The following GIT2 variants were observed in gnomAD, a reference collection of about 807,000 sequenced individuals.
GIT2 encodes the protein ARF GTPase-activating protein GIT2.
GIT2 carries 32 observed loss-of-function variants against 100.3 expected under a neutral mutation model. The ratio of observed to expected loss-of-function variants is 0.32; its 90% CI spans 0.24 to 0.43. The LOEUF is 0.43. Ranked by LOEUF, GIT2 falls within the 20% of genes least tolerant of loss-of-function variation. The pLI is 1.00. For synonymous variants in GIT2, 353 were observed against 364.1 expected, an observed-to-expected ratio of 0.97 and a Z score of 0.35; for missense variants, 737 against 975.1, an observed-to-expected ratio of 0.76 and a Z score of 3.25.
chr12:109,953,792 T>C (rs1878564408), intron 12 of GIT2: 2 of 152,202 alleles, frequency 1.3e-5, no homozygotes, highest in Admixed American at 6.6e-5. Flanking sequence ...CTGCCAAATA[T>C]GGGCAAATTA....
Position 109,962,292 on chromosome 12 carries a change from G to A in GIT2, c.817-607C>T, listed in dbSNP as rs1206996020. On this transcript the variant is annotated intron_variant, in intron 9 of 19. Coordinates refer to ENST00000355312, the MANE Select transcript of GIT2 (RefSeq NM_057169.5). The surrounding 1 kb of genome is among the most constrained non-coding windows in gnomAD (Gnocchi z 4.3). ...CACTTCAGCCCAGGATATCAAGGCT[G>A]CAGTGAGCCAAGATCACACCACTGC... Among the ~76,000 whole-genome samples the A allele has an allele frequency of 6.6e-6, 1 of 151,340 alleles. No individual in the cohort carries two copies. Among genetic ancestry groups the A allele is most frequent in the Admixed American group, 6.6e-5 (1 of 15,256 alleles).
At position 109,953,024 on chromosome 12, in the gene GIT2, G is replaced by GCAGCTTTGGCAGGCC. The variant is rs537500051; in HGVS notation, c.1242+67_1242+68insGGCCTGCCAAAGCTG. On this transcript the variant is annotated intron_variant, in intron 13 of 19. Transcript: ENST00000355312. The stretch of plus-strand genomic sequence containing the variant: ...GTAACAAACCCAACCTCACTGCACA[G>GCAGCTTTGGCAGGCC]CAGCTTTGGCAGGGCTAGCCCTCAG... 8.1e-3 allele frequency: 12,333 copies of GCAGCTTTGGCAGGCC among 1,528,520 alleles called. 58 individuals are homozygous for GCAGCTTTGGCAGGCC. The highest frequency in any genetic ancestry group is 9.0e-3 in the Non-Finnish European group (10,009 of 1,110,362). 94.7% of individuals were successfully genotyped at this position (1,528,520 alleles called of 1,614,324 possible).
chr12:109,983,540 A>G (rs757705815), intron 5 of GIT2, 37 bp from the exon 6 acceptor site: 2 of 1,607,354 alleles, frequency 1.2e-6, no homozygotes, highest in Admixed American at 3.3e-5. Flanking sequence ...AAAAGAGCAC[A>G]TTAAATAAAG....
upstream of GIT2, chr12:109,996,463 A>C: frequency 5.9e-6 from 3 of 505,056 alleles, no homozygotes; most frequent in Non-Finnish European, 1.1e-5. Context: ...TGAGGGCAGG[A>C]GACTGCCCGA....
upstream of GIT2, chr12:109,999,733 C>G (rs1415127865): frequency 6.5e-7 from 1 of 1,536,880 alleles, no homozygotes; most frequent in East Asian, 2.6e-5. The surrounding 1 kb of genome is among the most constrained non-coding windows in gnomAD (Gnocchi z 4.3). Flanking sequence ...CCCTGCACCT[C>G]CTAGTCTGGA....
rs1277234434 is a variant in GIT2, at chr12:109,948,129, A to C, written c.1393-625T>G. On this transcript the variant is annotated intron_variant, in intron 14 of 19. Transcript: ENST00000355312. The surrounding 1 kb of genome is among the most constrained non-coding windows in gnomAD (Gnocchi z 4.3). ...CAAACAATTCAGCACTTTGTAAAAA[A>C]AAAAAGAAAAAAGAGAAAACCGGAT... 9 of 960,958 alleles carry C rather than the reference A, an allele frequency of 9.4e-6. No homozygotes were observed. Among genetic ancestry groups the C allele is most frequent in the Non-Finnish European group, 1.1e-5 (9 of 807,756 alleles). 59.5% of individuals were successfully genotyped at this position (960,958 alleles called of 1,614,324 possible).
chr12:109,940,551 CAA>C (rs1265446971), intron 16 of GIT2: 2 of 152,058 alleles, frequency 1.3e-5, no homozygotes, highest in Non-Finnish European at 2.9e-5. Flanking sequence ...TAGCTTCATC[CAA>C]AAGAGTGGCT....
intron 18 of GIT2, 123 bp downstream of exon 18, chr12:109,938,257 A>G (rs1169974686): frequency 1.5e-6 from 1 of 663,592 alleles, no homozygotes; most frequent in African/African-American, 1.8e-5. Context: ...TGTTATGTAG[A>G]CTTGTTTTCA....
rs1303755561 is a variant in GIT2 at position 109,930,783 on chromosome 12, A to G, written c.*2195T>C. ...CTGCTTCACCTCCTGCAGACAGCTC[A>G]TTTCCCAGAAGCCTCTACAGAAGCC... On this transcript the variant is annotated 3_prime_UTR_variant, in exon 20 of 20. Coordinates refer to ENST00000355312, the MANE Select transcript of GIT2 (RefSeq NM_057169.5). 1.3e-5 allele frequency: 2 copies of G among 152,186 alleles called. No individual in the cohort carries two copies. Among genetic ancestry groups the G allele is most frequent in the African/African-American group, 4.8e-5 (2 of 41,414 alleles). The allele number at this position is 152,186 out of a possible 1,614,324, so 9.4% of individuals were successfully genotyped here. A position where few individuals can be genotyped will look rare whatever the true frequency, so the allele number is the denominator to read the frequency against.
chr12:109,932,796 A>G lies in GIT2; in HGVS notation c.*182T>C. On this transcript the variant is annotated 3_prime_UTR_variant, in exon 20 of 20. Coordinates refer to ENST00000355312, the MANE Select transcript of GIT2 (RefSeq NM_057169.5). ...CAGCAAATAGGCACAAAATAAGGCA[A>G]GTGGGTTAAATAGTTGAAAATTGGT... is the stretch of plus-strand genomic sequence containing the variant. 1 of 567,334 alleles carries G rather than the reference A, an allele frequency of 1.8e-6. No individual in the cohort carries two copies. Among genetic ancestry groups the G allele is most frequent in the Non-Finnish European group, 3.2e-6 (1 of 317,242 alleles). The allele number at this position is 567,334 out of a possible 1,614,324, so 35.1% of individuals were successfully genotyped here.
chr12:109,983,391 G>C lies in GIT2; in HGVS notation c.605C>G (p.Thr202Ser). ...CTCTTACCTTGCATAATCAACGGGA[G>C]TTTTCCCACTAGAATCCTGTGTGCC... ...DPGTQDSSGKTPVDYARQGGH... is the reference protein window; with the variant it reads ...DPGTQDSSGKSPVDYARQGGH... The change falls in exon 6 of 20, where the codon ACT (threonine) becomes AGT (serine). Residue 202 changes from threonine (T) to serine (S), a missense_variant. By Grantham distance (58) the Thr-to-Ser change is moderately conservative. Transcript: ENST00000355312. 1.2e-6 allele frequency: 2 copies of C among 1,613,692 alleles called. No homozygotes were observed. The highest frequency in any genetic ancestry group is 1.7e-6 in the Non-Finnish European group (2 of 1,179,782).
chr12:109,986,541 G>A (rs1887416352), intron 4 of GIT2, among the ~76,000 whole-genome samples: 1 of 152,058 alleles, frequency 6.6e-6, no homozygotes, highest in South Asian at 2.1e-4. Context: ...GAGGTGGGCG[G>A]ATCACGAGGT....
chr12:109,951,455 G>A, intron 13 of GIT2, 139 bp from the exon 14 acceptor site: 1 of 660,434 alleles, frequency 1.5e-6, no homozygotes, highest in East Asian at 2.7e-5. Flanking sequence ...TGAGAGTAAT[G>A]CAAAACTAAA....
chr12:109,976,283 AT>A lies in GIT2; in HGVS notation c.718+4668del, dbSNP rs1187840816. Among the ~76,000 whole-genome samples the A allele has an allele frequency of 5.9e-3, 794 of 134,892 alleles. 3 individuals carry two copies. Among genetic ancestry groups the A allele is most frequent in the South Asian group, 0.021 (90 of 4,308 alleles). 88.5% of individuals were successfully genotyped at this position (134,892 alleles called of 152,430 possible). ...TATATGCTGAAAACCCTACTAGATA[AT>A]TTTTTTTTTTTTTTTTTTGAGACGG... On this transcript the variant is annotated intron_variant, in intron 7 of 19. Coordinates refer to ENST00000355312, the MANE Select transcript of GIT2 (RefSeq NM_057169.5).
At chr12:109,940,363 A>C (rs1874317464) in intron 16 of GIT2, 1 of 152,224 alleles carries the variant, frequency 6.6e-6, no homozygotes, top group African/African-American at 2.4e-5. Flanking sequence ...AGGCTAATTT[A>C]AAACCTAAAC....
chr12:109,939,352 A>G (rs1873940097), intron 16 of GIT2, 105 bp from the exon 17 acceptor site: 1 of 714,906 alleles, frequency 1.4e-6, no homozygotes, highest in South Asian at 1.5e-5. Flanking sequence ...TCACATCCCA[A>G]ATCTCATTTG....
In GIT2 at chr12:109,934,221, A is replaced by G; in HGVS notation, c.2004-136T>C. On this transcript the variant is annotated intron_variant, in intron 18 of 19. Transcript: ENST00000355312. This position sits in a 1 kb window ranked among gnomAD's most constrained non-coding sequence, Gnocchi z 4.5. Reference sequence around the variant, plus strand: ...GGCTGCAGTCAGCCGTGCATCCCACACCACCAGAGGGCACATGGTTATAAA... The same window carrying G: ...GGCTGCAGTCAGCCGTGCATCCCACGCCACCAGAGGGCACATGGTTATAAA... The G allele has an allele frequency of 1.5e-6, 1 of 647,826 alleles. No individual in the cohort carries two copies. The highest frequency in any genetic ancestry group is 2.9e-6 in the Non-Finnish European group (1 of 350,594). 40.1% of individuals were successfully genotyped at this position (647,826 alleles called of 1,614,324 possible). A position where few individuals can be genotyped will look rare whatever the true frequency, so the allele number is the denominator to read the frequency against.
At chr12:109,971,819 C>A (rs541818320) in intron 7 of GIT2, among the ~76,000 whole-genome samples, 1 of 151,506 alleles carries the variant, frequency 6.6e-6, no homozygotes, top group African/African-American at 2.4e-5. Flanking sequence ...ATGGCGAAAC[C>A]CTGTCTCTAC....
chr12:109,995,032 C>T (rs1163469263), intron 1 of GIT2, among the ~76,000 whole-genome samples: 1 of 152,182 alleles, frequency 6.6e-6, no homozygotes, highest in Non-Finnish European at 1.5e-5. Context: ...TTCCAAATGA[C>T]AAGCTTAAGA....
Sources: allele counts gnomAD v4.1 joint callset (sites outside exome capture counted in the v4.1 genomes callset), GRCh38; gene constraint gnomAD v4.1.1; non-coding constraint Gnocchi (gnomAD v3.1); transcripts MANE v1.5; gene names NCBI Gene and HGNC (gene_info 2026-07-23, HGNC 2026-07-21).